GSE1: variants seen among roughly 807,000 people sequenced by gnomAD.
The protein encoded by GSE1 is genetic suppressor element 1.
GSE1 carries 32 observed loss-of-function variants against 112.6 expected under a neutral mutation model. The observed-to-expected ratio is 0.28, with a 90% CI of 0.21 to 0.38. The LOEUF is 0.38. Ranked by LOEUF, GSE1 falls within the 10% of genes least tolerant of loss-of-function variation. The probability of loss-of-function intolerance (pLI) is 1.00; values close to 1 mark genes in which losing one functional copy is unlikely to be tolerated. For synonymous variants in GSE1, 1,115 were observed against 735.6 expected, an observed-to-expected ratio of 1.52 and a Z score of -8.35; for missense variants, 2,348 against 1,699.2, an observed-to-expected ratio of 1.38 and a Z score of -6.71.
intron 1 of GSE1, among the ~76,000 whole-genome samples, chr16:85,320,825 CT>C (rs1212425407): frequency 6.6e-6 from 1 of 152,202 alleles, no homozygotes; most frequent in African/African-American, 2.4e-5. Flanking sequence ...CCTGGAGGCA[CT>C]GCCTTCTTGC....
intron 2 of GSE1, among the ~76,000 whole-genome samples, chr16:85,374,783 G>A (rs931320051): frequency 3.3e-5 from 5 of 152,116 alleles, no homozygotes; most frequent in South Asian, 2.1e-4. Flanking sequence ...CGGGACCCTC[G>A]CCAACCTCCT....
intron 2 of GSE1, among the ~76,000 whole-genome samples, chr16:85,378,178 G>T (rs2047465335): frequency 6.6e-6 from 1 of 152,202 alleles, no homozygotes; most frequent in Admixed American, 6.5e-5. Flanking sequence ...GGGCAGTGGG[G>T]GTAGGGCTCC....
intron 2 of GSE1, among the ~76,000 whole-genome samples, chr16:85,383,345 C>A (rs969262928): frequency 6.6e-6 from 1 of 151,924 alleles, no homozygotes; most frequent in African/African-American, 2.4e-5. Context: ...CCGTGACATA[C>A]ACCTGCACCC....
At chr16:85,502,333 G>A (rs1045917822) in intron 2 of GSE1, among the ~76,000 whole-genome samples, 5 of 152,184 alleles carry the variant, frequency 3.3e-5, no homozygotes, top group African/African-American at 1.2e-4. Flanking sequence ...CGTGGGTAGC[G>A]CAGGTTCATG....
intron 1 of GSE1, among the ~76,000 whole-genome samples, chr16:85,614,098 C>CA (rs1480371520): frequency 1.3e-5 from 2 of 151,392 alleles, no homozygotes; most frequent in African/African-American, 4.9e-5. Context: ...CCCTCCCCCC[C>CA]GCAGAAGATG....
intron 1 of GSE1, among the ~76,000 whole-genome samples, chr16:85,304,604 GGGGGT>G (rs2045619498): frequency 7.4e-6 from 1 of 135,116 alleles, no homozygotes; most frequent in African/African-American, 2.7e-5. Context: ...CCGGGGGCGG[GGGGGT>G]GGGGCATCCC....
rs374074758 is a variant in GSE1, at chr16:85,666,165, A to G, written c.2948A>G (p.Lys983Arg). The change falls in exon 13 of 16, where the codon AAA (lysine) becomes AGA (arginine). Residue 983 changes from lysine (K) to arginine (R), a missense_variant. Transcript: ENST00000253458. The stretch of plus-strand genomic sequence containing the variant: ...AGGCTGAGCGAGGCCCCTGGAGGCA[A>G]AAAGAGTCTGAGCATGCTTCACTAT... ...KARLSEAPGGKKSLSMLHYIR... is the reference protein window; with the variant it reads ...KARLSEAPGGRKSLSMLHYIR... 4 of 1,613,362 alleles carry G rather than the reference A, an allele frequency of 2.5e-6. No homozygotes were observed. The highest frequency in any genetic ancestry group is 2.7e-5 in the African/African-American group (2 of 74,940).
chr16:85,356,745 G>C (rs998669524), intron 1 of GSE1, among the ~76,000 whole-genome samples: 3 of 152,232 alleles, frequency 2.0e-5, no homozygotes, highest in African/African-American at 7.2e-5. Context: ...TCCTGCCTCA[G>C]CCTCCCAAAG....
intron 1 of GSE1, among the ~76,000 whole-genome samples, chr16:85,627,706 C>T (rs1216168708): frequency 6.6e-6 from 1 of 152,088 alleles, no homozygotes; most frequent in Non-Finnish European, 1.5e-5. Context: ...CCGTCACAGG[C>T]CTTCACACGG....
chr16:85,588,580 C>T (rs997814807), intron 1 of GSE1, among the ~76,000 whole-genome samples: 3 of 152,300 alleles, frequency 2.0e-5, no homozygotes, highest in East Asian at 1.9e-4. Context: ...CAAGCAAAAC[C>T]GGGGGCTTCT....
At chr16:85,490,186 T>C (rs937275934) in intron 2 of GSE1, 1 of 152,326 alleles carries the variant, frequency 6.6e-6, no homozygotes, top group African/African-American at 2.4e-5. Flanking sequence ...CGCTAGATGT[T>C]GAGAGGCTGA....
chr16:85,292,941 T>C (rs1378450519), intron 1 of GSE1, among the ~76,000 whole-genome samples: 1 of 152,238 alleles, frequency 6.6e-6, no homozygotes, highest in Non-Finnish European at 1.5e-5. Context: ...TTATTTTTTA[T>C]TGGCTTTATG....
intron 11 of GSE1, 26 bp from the exon 12 acceptor site, chr16:85,664,989 T>C: frequency 7.1e-7 from 1 of 1,411,162 alleles, no homozygotes; most frequent in Non-Finnish European, 1.0e-6. Context: ...AACTGGCTCG[T>C]TAATCTCAGG....
intron 1 of GSE1, among the ~76,000 whole-genome samples, chr16:85,254,911 C>T (rs930600586): frequency 1.3e-5 from 2 of 152,204 alleles, no homozygotes; most frequent in African/African-American, 4.8e-5. Context: ...GAGGGGCATC[C>T]GGCCTGCTCT....
chr16:85,383,499 A>ACACC (rs55704514), intron 2 of GSE1, among the ~76,000 whole-genome samples: 1 of 41,650 alleles, frequency 2.4e-5, no homozygotes, highest in African/African-American at 8.4e-5. Context: ...AGCTCCCAGC[A>ACACC]CACACACACA....
chr16:85,389,344 C>T (rs182373802), intron 2 of GSE1, among the ~76,000 whole-genome samples: 9 of 152,074 alleles, frequency 5.9e-5, no homozygotes, highest in African/African-American at 2.2e-4. Flanking sequence ...CCTGTAATCC[C>T]AGCCACTCGG....
At position 85,366,203 on chromosome 16, in the gene GSE1, G is replaced by T. The variant is rs544418434; in HGVS notation, c.2464+8560G>T. The stretch of plus-strand genomic sequence containing the variant: ...GCCTGTAGCGGCTCCGCTGCCGAGT[G>T]CTTTGACACCAGGCGCTCCCAGAGC... On this transcript the variant is annotated intron_variant, in intron 2 of 2. Coordinates refer to the GSE1 transcript ENST00000637419. 2.0e-5 allele frequency among the ~76,000 whole-genome samples: 3 copies of T among 152,272 alleles called. No individual in the cohort carries two copies. In the South Asian group the frequency reaches 6.2e-4, roughly 32 times the overall value.
intron 1 of GSE1, among the ~76,000 whole-genome samples, chr16:85,341,370 T>C (rs1273543281): frequency 1.3e-5 from 2 of 152,184 alleles, no homozygotes; most frequent in Admixed American, 6.5e-5. Context: ...TAAAAATTTT[T>C]GTAGAGGCCA....
At chr16:85,185,333 A>G (rs9933059) in intron 1 of GSE1, 32,423 of 152,250 alleles carry the variant, frequency 0.21, 3,640 homozygotes, top group Middle Eastern at 0.29. Flanking sequence ...CTCTACTCCA[A>G]CAGTCGCTTT....
Sources: allele counts gnomAD v4.1 joint callset (sites outside exome capture counted in the v4.1 genomes callset), GRCh38; gene constraint gnomAD v4.1.1; transcripts MANE v1.5; gene names NCBI Gene and HGNC (gene_info 2026-07-23, HGNC 2026-07-21).